The following ITGB6 variants were observed in gnomAD, a reference collection of about 807,000 sequenced individuals.
ITGB6 encodes integrin subunit beta 6, also known as integrin beta-6.
In ITGB6, 80 loss-of-function variants were observed where a neutral mutation model predicts 84.5. That is an observed-to-expected ratio of 0.95 (90% CI 0.79 to 1.14). The LOEUF is 1.14. Ranked by LOEUF, ITGB6 falls within the 50% of genes most tolerant of loss-of-function variation. ITGB6 has a pLI of 0.00. For synonymous variants in ITGB6, 383 were observed against 354.9 expected (o/e 1.08, Z -0.89); for missense variants, 1,006 against 968.0 (o/e 1.04, Z -0.52).
intron 12 of ITGB6, among the ~76,000 whole-genome samples, chr2:160,119,847 G>C (rs561312927): frequency 5.9e-5 from 9 of 152,282 alleles, no homozygotes; most frequent in South Asian, 4.1e-4. Context: ...CCATCAAAAA[G>C]TGGGCCAAGG....
At chr2:160,182,517 T>C (rs946631250) in intron 4 of ITGB6, among the ~76,000 whole-genome samples, 5 of 152,306 alleles carry the variant, frequency 3.3e-5, no homozygotes, top group Admixed American at 3.3e-4. Context: ...CTATGTTTGA[T>C]TGGTGTACCT....
At position 160,138,172 on chromosome 2, in the gene ITGB6, C is replaced by A; in HGVS notation, c.1135G>T (p.Val379Leu). The A allele has an allele frequency of 6.2e-7, 1 of 1,613,056 alleles. No individual in the cohort carries two copies. Among genetic ancestry groups the A allele is most frequent in the Non-Finnish European group, 8.5e-7 (1 of 1,179,760 alleles). Residue 379 changes from valine (V) to leucine (L), a missense_variant, in exon 9 of 15, where the codon GTA becomes TTA. Val to Leu is a conservative substitution (Grantham distance 32). Transcript: ENST00000283249. ...TTGAGTCCTTCAGTGTCTCCTAATA[C>A]TTCCAGTTCCACCTCAGACCGCAGT... is the stretch of plus-strand genomic sequence containing the variant. ...EELRSEVELEVLGDTEGLNLS... is the reference protein window; with the variant it reads ...EELRSEVELELLGDTEGLNLS...
chr2:160,139,607 C>T (rs1237317772), intron 8 of ITGB6, among the ~76,000 whole-genome samples: 1 of 152,088 alleles, frequency 6.6e-6, no homozygotes, highest in Non-Finnish European at 1.5e-5. Flanking sequence ...CATGATCTGA[C>T]CTAAATAAAG....
At chr2:160,161,611 G>A (rs1331475027) in intron 7 of ITGB6, among the ~76,000 whole-genome samples, 1 of 152,148 alleles carries the variant, frequency 6.6e-6, no homozygotes, top group Non-Finnish European at 1.5e-5. Context: ...ATTCTAAAAT[G>A]TCAACAATGT....
At chr2:160,183,039 T>C (rs937938547) in intron 4 of ITGB6, among the ~76,000 whole-genome samples, 1 of 152,068 alleles carries the variant, frequency 6.6e-6, no homozygotes, top group Non-Finnish European at 1.5e-5. Context: ...TGCAAAAACA[T>C]ACCAAATTGT....
At chr2:160,167,771 A>T (rs1685056451) in intron 7 of ITGB6, among the ~76,000 whole-genome samples, 1 of 152,162 alleles carries the variant, frequency 6.6e-6, no homozygotes, top group South Asian at 2.1e-4. Flanking sequence ...GTGAGTCTTA[A>T]AGACTATTAC....
At chr2:160,197,320 C>T (rs1379083061) in intron 2 of ITGB6, among the ~76,000 whole-genome samples, 3 of 152,000 alleles carry the variant, frequency 2.0e-5, no homozygotes, top group African/African-American at 4.8e-5. Context: ...TGCTTTTCTG[C>T]GTGGGACACA....
intron 12 of ITGB6, among the ~76,000 whole-genome samples, chr2:160,117,669 C>T (rs1400704147): frequency 6.6e-6 from 1 of 151,980 alleles, no homozygotes; most frequent in Non-Finnish European, 1.5e-5. Flanking sequence ...AAAATCAGAG[C>T]AGAACTGAAG....
intron 7 of ITGB6, among the ~76,000 whole-genome samples, chr2:160,168,086 T>A (rs1266044604): frequency 6.6e-6 from 1 of 152,216 alleles, no homozygotes; most frequent in Non-Finnish European, 1.5e-5. Flanking sequence ...TGAACCCACA[T>A]GGGCTCTGCG....
intron 7 of ITGB6, among the ~76,000 whole-genome samples, chr2:160,157,752 A>C (rs936271699): frequency 1.3e-5 from 2 of 150,178 alleles, no homozygotes; most frequent in African/African-American, 4.9e-5. Context: ...CAGAGGCAAA[A>C]AAAAAAAAAA....
intron 10 of ITGB6, among the ~76,000 whole-genome samples, chr2:160,136,981 A>G (rs1043000004): frequency 4.6e-5 from 7 of 151,990 alleles, no homozygotes; most frequent in African/African-American, 1.5e-4. Flanking sequence ...CAGCACACCA[A>G]CATGGCACAT....
At chr2:160,103,897 C>A (rs567523663) in intron 14 of ITGB6, among the ~76,000 whole-genome samples, 3 of 152,154 alleles carry the variant, frequency 2.0e-5, no homozygotes, top group African/African-American at 7.2e-5. Context: ...GTAGGTGCAC[C>A]CTATATCATG....
At chr2:160,140,131 C>A (rs1367973565) in intron 8 of ITGB6, among the ~76,000 whole-genome samples, 1 of 152,108 alleles carries the variant, frequency 6.6e-6, no homozygotes, top group Admixed American at 6.6e-5. Context: ...ATTTTAAATT[C>A]TTTTTAGCAT....
rs1333730175 is a variant in ITGB6 at position 160,137,833 on chromosome 2, C to G, written c.1261G>C (p.Val421Leu). 1 of 1,613,852 alleles carries G rather than the reference C, an allele frequency of 6.2e-7. No individual in the cohort carries two copies. Among genetic ancestry groups the G allele is most frequent in the Admixed American group, 1.7e-5 (1 of 60,020 alleles). ...CTTCTCTCGCAGTGTGGGATATTCA[C>G]AGTCACGCTGAAGGAAGCCTGGAAA... ...VGDTASFSVT[V>L]NIPHCERRSR... Residue 421 changes from valine to leucine, a missense_variant, in exon 10 of 15, where the codon GTG becomes CTG. Coordinates refer to ENST00000283249, the MANE Select transcript of ITGB6 (RefSeq NM_000888.5).
chr2:160,191,654 G>A (rs754572415), intron 4 of ITGB6, among the ~76,000 whole-genome samples: 37 of 152,112 alleles, frequency 2.4e-4, no homozygotes, highest in Non-Finnish European at 5.0e-4. Flanking sequence ...AAAGGGTACT[G>A]GAGACCCAAG....
intron 13 of ITGB6, among the ~76,000 whole-genome samples, chr2:160,110,114 G>T (rs1243826164): frequency 6.6e-6 from 1 of 152,170 alleles, no homozygotes; most frequent in Non-Finnish European, 1.5e-5. Flanking sequence ...AGATAGTTAT[G>T]ATGATTGTAC....
chr2:160,162,982 A>G (rs1357062850), intron 7 of ITGB6, among the ~76,000 whole-genome samples: 2 of 152,162 alleles, frequency 1.3e-5, no homozygotes, highest in Non-Finnish European at 2.9e-5. Context: ...ATAAACCTAT[A>G]GTCTTGGTCA....
At position 160,169,299 on chromosome 2, in the gene ITGB6, T is replaced by C. The variant is rs749752085; in HGVS notation, c.930A>G (p.Pro310=). 6.4e-7 allele frequency: 1 copy of C among 1,560,740 alleles called. No homozygotes were observed. The highest frequency in any genetic ancestry group is 2.3e-5 in the East Asian group (1 of 44,390). The change falls in exon 7 of 15, where the codon CCA becomes CCG. Residue 310 remains proline (P), a synonymous_variant. Coordinates refer to ENST00000283249, the MANE Select transcript of ITGB6 (RefSeq NM_000888.5). ...GTTTATCAATGAGTTGTCCAATTGT[T>C]GGATATTCCTAAAATTAACATATAT... ...EYSMSTVLEY[P]TIGQLIDKLV...
chr2:160,126,660 G>A, intron 10 of ITGB6, 59 bp from the exon 11 acceptor site: 2 of 1,476,324 alleles, frequency 1.4e-6, no homozygotes, highest in Non-Finnish European at 1.9e-6. Flanking sequence ...GATTTGAGGG[G>A]GTGAGGGGCA....
Sources: gnomAD v4.1 joint callset for allele counts (sites outside exome capture counted in the v4.1 genomes callset) on GRCh38, gnomAD v4.1.1 for gene constraint, MANE v1.5 for transcripts, NCBI Gene and HGNC (gene_info 2026-07-23, HGNC 2026-07-21) for gene names.